SLC12A7: variants seen among roughly 807,000 people sequenced by gnomAD.
The protein encoded by SLC12A7 is K-Cl cotransporter 4.
SLC12A7 carries 100 observed loss-of-function variants against 120.6 expected under a neutral mutation model. The ratio of observed to expected loss-of-function variants is 0.83; its 90% CI spans 0.71 to 0.98. SLC12A7 has a LOEUF of 0.98. Among genes scored for constraint, SLC12A7 ranks in the 50% least tolerant of loss-of-function variants. The pLI is 0.00. For missense variants in SLC12A7, 1,373 were observed against 1,548.1 expected, an observed-to-expected ratio of 0.89 and a Z score of 1.90; for synonymous variants, 760 against 678.0, an observed-to-expected ratio of 1.12 and a Z score of -1.88.
chr5:1,056,330 C>G (rs556988874), intron 22 of SLC12A7, among the ~76,000 whole-genome samples: 48 of 152,330 alleles, frequency 3.2e-4, no homozygotes, highest in African/African-American at 1.2e-3. Flanking sequence ...GTTCCTGGGC[C>G]TCACTTAGGA....
intron 4 of SLC12A7, 67 bp downstream of exon 4, chr5:1,088,915 G>A (rs1332959790): frequency 1.3e-6 from 2 of 1,594,322 alleles, no homozygotes; most frequent in Admixed American, 1.7e-5. Context: ...ACGGCATCTG[G>A]GGAGAGCCCT....
chr5:1,092,273 G>GGA (rs547462407), intron 3 of SLC12A7, among the ~76,000 whole-genome samples: 236 of 152,390 alleles, frequency 1.5e-3, no homozygotes, highest in African/African-American at 5.2e-3. Context: ...GCAGAACACT[G>GGA]GACGCTGGCA....
At chr5:1,145,883 C>A in the SLC12A7 span, among the ~76,000 whole-genome samples, 1 of 152,056 alleles carries the variant, frequency 6.6e-6, no homozygotes, top group Non-Finnish European at 1.5e-5. This position sits in a 1 kb window ranked among gnomAD's most constrained non-coding sequence, Gnocchi z 4.4. Flanking sequence ...TAACATTTTA[C>A]CATTTTTACC....
intron 18 of SLC12A7, among the ~76,000 whole-genome samples, chr5:1,064,716 CG>C (rs1736741094): frequency 7.4e-6 from 1 of 135,226 alleles, no homozygotes; most frequent in African/African-American, 2.8e-5. Context: ...GAGGGGACAG[CG>C]AGGAGACGGT....
intron 8 of SLC12A7, among the ~76,000 whole-genome samples, chr5:1,083,228 G>A (rs1298415976): frequency 6.6e-6 from 1 of 151,190 alleles, no homozygotes; most frequent in Non-Finnish European, 1.5e-5. Flanking sequence ...CTAGGGCTCT[G>A]GAAAGCCTGG....
intron 3 of SLC12A7, among the ~76,000 whole-genome samples, chr5:1,091,824 G>A (rs1317376946): frequency 6.6e-6 from 1 of 151,434 alleles, no homozygotes; most frequent in African/African-American, 2.4e-5. Context: ...CCATCCACGT[G>A]CAGAAAGGTG....
intron 16 of SLC12A7, among the ~76,000 whole-genome samples, chr5:1,074,045 G>A (rs146832733): frequency 3.8e-4 from 58 of 152,272 alleles, no homozygotes; most frequent in East Asian, 1.2e-3. Flanking sequence ...AGGCAGGGCC[G>A]ATGGACAGGT....
At chr5:1,054,317 T>TGGGC (rs1370108869) in intron 22 of SLC12A7, among the ~76,000 whole-genome samples, 1 of 152,226 alleles carries the variant, frequency 6.6e-6, no homozygotes, top group African/African-American at 2.4e-5. Flanking sequence ...CCTGGCGGCC[T>TGGGC]GGGCCCGGCC....
intron 8 of SLC12A7, 88 bp from the exon 9 acceptor site, chr5:1,081,832 C>T: frequency 6.7e-7 from 1 of 1,495,264 alleles, no homozygotes; most frequent in Non-Finnish European, 9.1e-7. Context: ...GCAGGTGCCA[C>T]TGGTGGCCGG....
upstream of SLC12A7, among the ~76,000 whole-genome samples, chr5:1,112,881 C>G (rs188371899): frequency 6.2e-5 from 8 of 128,892 alleles, 1 homozygote; most frequent in Non-Finnish European, 1.1e-4. Flanking sequence ...TCCCCCCCCC[C>G]ACCCATGACA....
At chr5:1,152,214 T>C in the SLC12A7 span, among the ~76,000 whole-genome samples, 37 of 152,094 alleles carry the variant, frequency 2.4e-4, no homozygotes, top group African/African-American at 7.7e-4. Context: ...CGTCTGGTGT[T>C]CCCCAGCTCA....
the SLC12A7 span, among the ~76,000 whole-genome samples, chr5:1,140,609 C>T: frequency 2.6e-4 from 40 of 152,350 alleles, no homozygotes; most frequent in South Asian, 7.9e-3. Context: ...CCAGCAATCC[C>T]GGAGTTCCCC....
chr5:1,097,937 C>CCACTTGGGAGACG (rs1365498404), intron 1 of SLC12A7, among the ~76,000 whole-genome samples: 1 of 151,762 alleles, frequency 6.6e-6, no homozygotes, highest in Non-Finnish European at 1.5e-5. Flanking sequence ...TTGGGAGTGC[C>CCACTTGGGAGACG]CACAAACGTT....
chr5:1,070,058 G>A lies in SLC12A7; in HGVS notation c.2241+3575C>T, dbSNP rs1411715140. Reference sequence around the variant, plus strand: ...GCAGCCCCCAGTGAGCCCCCAGTGAGCCCCCAGCACACGGGCATCACACTT... The same window carrying A: ...GCAGCCCCCAGTGAGCCCCCAGTGAACCCCCAGCACACGGGCATCACACTT... On this transcript the variant is annotated intron_variant, in intron 17 of 23. Coordinates refer to ENST00000264930, the MANE Select transcript of SLC12A7 (RefSeq NM_006598.3). Among the ~76,000 whole-genome samples the A allele has an allele frequency of 4.7e-3, 20 of 4,262 alleles. 1 individual carries two copies. The highest frequency in any genetic ancestry group is 0.012 in the African/African-American group (16 of 1,316). The allele number at this position is 4,262 out of a possible 152,430, so 2.8% of individuals were successfully genotyped here. A position where few individuals can be genotyped will look rare whatever the true frequency, so the allele number is the denominator to read the frequency against.
intron 9 of SLC12A7, among the ~76,000 whole-genome samples, chr5:1,081,353 C>T (rs1048861134): frequency 6.6e-6 from 1 of 151,870 alleles, no homozygotes; most frequent in Non-Finnish European, 1.5e-5. Flanking sequence ...CGGCTGCCCC[C>T]CTCTACAAAA....
intron 12 of SLC12A7, among the ~76,000 whole-genome samples, chr5:1,077,385 G>GCA (rs1738478994): frequency 6.6e-6 from 1 of 152,218 alleles, no homozygotes; most frequent in South Asian, 2.1e-4. Context: ...GCAGCTCTGG[G>GCA]CACAGCACAC....
At chr5:1,062,588 G>C (rs11957287) in intron 20 of SLC12A7, among the ~76,000 whole-genome samples, 11,360 of 152,190 alleles carry the variant, frequency 0.075, 652 homozygotes, top group African/African-American at 0.16. Flanking sequence ...GAAGGTTGTC[G>C]GTGAGGCACG....
chr5:1,077,647 T>G (rs1004684637), intron 12 of SLC12A7, among the ~76,000 whole-genome samples, 186 bp downstream of exon 12: 4 of 151,552 alleles, frequency 2.6e-5, no homozygotes, highest in African/African-American at 9.7e-5. Context: ...GGGCTAGAAT[T>G]GCCTCTGCCC....
intron 21 of SLC12A7, among the ~76,000 whole-genome samples, chr5:1,058,208 G>A (rs147289671): frequency 2.0e-5 from 3 of 152,362 alleles, no homozygotes; most frequent in East Asian, 3.9e-4. Context: ...GACAATCCGA[G>A]GAAAATGAAA....
Sources: gnomAD v4.1 joint callset for allele counts (sites outside exome capture counted in the v4.1 genomes callset) on GRCh38, gnomAD v4.1.1 for gene constraint, Gnocchi (gnomAD v3.1) non-coding constraint, MANE v1.5 for transcripts, NCBI Gene and HGNC (gene_info 2026-07-23, HGNC 2026-07-21) for gene names.